Variants in USF3 observed in about 807,000 individuals in gnomAD.
USF3 encodes the protein upstream transcription factor family member 3, also known as basic helix-loop-helix domain-containing protein USF3.
USF3 carries 29 observed loss-of-function variants against 157.5 expected under a neutral mutation model. The observed-to-expected ratio is 0.18, with a 90% confidence interval of 0.14 to 0.25. The LOEUF (loss-of-function observed/expected upper bound fraction) is 0.25, where lower values mean the gene tolerates loss of function less well. Ranked by LOEUF, USF3 falls within the 10% of genes least tolerant of loss-of-function variation. The probability of loss-of-function intolerance (pLI) is 1.00; values close to 1 mark genes in which losing one functional copy is unlikely to be tolerated. For missense variants in USF3, 2,381 were observed against 2,667.6 expected, an observed-to-expected ratio of 0.89 and a Z score of 2.37; for synonymous variants, 893 against 941.4, an observed-to-expected ratio of 0.95 and a Z score of 0.94.
intron 1 of USF3, among the ~76,000 whole-genome samples, chr3:113,693,413 G>A (rs1223812719): frequency 6.6e-6 from 1 of 152,124 alleles, no homozygotes; most frequent in Non-Finnish European, 1.5e-5. Flanking sequence ...AAGTACAACT[G>A]TTACGGGGCC....
At chr3:113,671,104 T>A (rs985496174) in intron 4 of USF3, among the ~76,000 whole-genome samples, 1 of 152,202 alleles carries the variant, frequency 6.6e-6, no homozygotes, top group Non-Finnish European at 1.5e-5. Context: ...CAAATAGGAA[T>A]TGCTAATATT....
At chr3:113,685,428 C>T (rs972434038) in intron 1 of USF3, among the ~76,000 whole-genome samples, 2 of 152,192 alleles carry the variant, frequency 1.3e-5, no homozygotes, top group Non-Finnish European at 2.9e-5. Context: ...CTGGGTCTCT[C>T]CCTTCAGGGT....
At chr3:113,666,755 G>GT (rs1463713009) in intron 5 of USF3, among the ~76,000 whole-genome samples, 2 of 150,546 alleles carry the variant, frequency 1.3e-5, no homozygotes, top group African/African-American at 4.9e-5. Context: ...GTTGTTTTTT[G>GT]TTTTTTGTTT....
intron 3 of USF3, among the ~76,000 whole-genome samples, 156 bp downstream of exon 3, chr3:113,674,676 A>G (rs1324131546): frequency 6.6e-6 from 1 of 152,210 alleles, no homozygotes; most frequent in East Asian, 1.9e-4. Flanking sequence ...TACCTTTTTC[A>G]GTAAATCTGT....
chr3:113,656,096 A>G lies in USF3; in HGVS notation c.5586T>C (p.His1862=). 1 of 1,614,168 alleles carries G rather than the reference A, an allele frequency of 6.2e-7. No homozygotes were observed. Among genetic ancestry groups the G allele is most frequent in the Non-Finnish European group, 8.5e-7 (1 of 1,180,026 alleles). ...SAIEYNCPPT[H]ENVHIRRESE... is the part of the protein sequence containing the mutation. The stretch of plus-strand genomic sequence containing the variant: ...TCTCTCTTCTAATATGGACATTTTC[A>G]TGAGTTGGGGGACAATTATATTCAA... The change falls in exon 7 of 7, where the codon CAT becomes CAC. Residue 1862 remains histidine, a synonymous_variant. Transcript: ENST00000316407.
At chr3:113,667,881 C>CAAAT (rs1947594615) in intron 5 of USF3, among the ~76,000 whole-genome samples, 2 of 151,914 alleles carry the variant, frequency 1.3e-5, no homozygotes, top group African/African-American at 4.8e-5. Flanking sequence ...AACAAACAAA[C>CAAAT]AAACAAACAA....
intron 1 of USF3, among the ~76,000 whole-genome samples, chr3:113,685,252 CA>C (rs892202772): frequency 6.6e-6 from 1 of 152,184 alleles, no homozygotes; most frequent in Non-Finnish European, 1.5e-5. Context: ...GGGATGGAGT[CA>C]CGCAATGCTC....
At chr3:113,695,100 A>T (rs886071024) in intron 1 of USF3, among the ~76,000 whole-genome samples, 1 of 152,246 alleles carries the variant, frequency 6.6e-6, no homozygotes, top group Non-Finnish European at 1.5e-5. Flanking sequence ...CCGCATTAAA[A>T]GCCGTCCTTG....
rs1947602829 is a variant in USF3 at position 113,668,399 on chromosome 3, A to G, written c.159+1722T>C. Among the ~76,000 whole-genome samples the G allele has an allele frequency of 2.7e-5, 4 of 150,340 alleles. No homozygotes were observed. In the South Asian group the frequency reaches 8.5e-4, roughly 32 times the overall value. The stretch of plus-strand genomic sequence containing the variant: ...ACCTCTTCCTCTTCCTACCAGTCCC[A>G]CTCCCAGGCAGGAGACTGATGGGTT... On this transcript the variant is annotated intron_variant, in intron 5 of 6. Coordinates refer to ENST00000316407, the MANE Select transcript of USF3 (RefSeq NM_001009899.4).
At chr3:113,666,248 CTTTTTTTTTTTT>C (rs1232834885) in intron 5 of USF3, among the ~76,000 whole-genome samples, 1 of 101,760 alleles carries the variant, frequency 9.8e-6, no homozygotes, top group African/African-American at 3.8e-5. Context: ...AGACATCTTT[CTTTTTTTTTTTT>C]TTTTTTTTTG....
rs10934240 is a variant in USF3, at chr3:113,649,796, A to T, written c.*5148T>A. 0.01 allele frequency: 7,198 copies of T among 702,824 alleles called. 192 individuals are homozygous for T. The highest frequency in any genetic ancestry group is 0.055 in the Admixed American group (2,767 of 49,992). The allele number at this position is 702,824 out of a possible 1,614,324, so 43.5% of individuals were successfully genotyped here. ...CAAGGTCCTCACGCTTCTTATCAGC[A>T]TGGACTGACTCAATCTAAATTTGGT... On this transcript the variant is annotated 3_prime_UTR_variant, in exon 7 of 7. Coordinates refer to ENST00000316407, the MANE Select transcript of USF3 (RefSeq NM_001009899.4).
rs1020946189 is a variant in USF3 at position 113,664,554 on chromosome 3, C to T, written c.160-145G>A. On this transcript the variant is annotated intron_variant, in intron 5 of 6. Coordinates refer to ENST00000316407, the MANE Select transcript of USF3 (RefSeq NM_001009899.4). Reference sequence around the variant, plus strand: ...CAGGCACTATATTCAAAAGCTTCTACTGTATATTTTTCATTTATTAAATGG... The same window carrying T: ...CAGGCACTATATTCAAAAGCTTCTATTGTATATTTTTCATTTATTAAATGG... 2.1e-5 allele frequency: 11 copies of T among 528,080 alleles called. No individual in the cohort carries two copies. The African/African-American group carries it at 2.2e-4, about 10-fold the overall frequency. 32.7% of individuals were successfully genotyped at this position (528,080 alleles called of 1,614,324 possible). A position where few individuals can be genotyped will look rare whatever the true frequency, so the allele number is the denominator to read the frequency against.
Position 113,658,049 on chromosome 3 carries a change from C to T in USF3, c.3633G>A (p.Glu1211=), listed in dbSNP as rs1947399999. Residue 1211 remains glutamate, a synonymous_variant, in exon 7 of 7, where the codon GAG becomes GAA. Coordinates refer to ENST00000316407, the MANE Select transcript of USF3 (RefSeq NM_001009899.4). ...SIEATMERPL[E]KPSCSLGIKT... ...TAATTCCTAGAGAACAACTTGGTTT[C>T]TCAAGGGGCCTCTCCATAGTTGCTT... 2 of 1,614,134 alleles carry T rather than the reference C, an allele frequency of 1.2e-6. No homozygotes were observed. Among genetic ancestry groups the T allele is most frequent in the East Asian group, 2.2e-5 (1 of 44,890 alleles).
intron 5 of USF3, among the ~76,000 whole-genome samples, chr3:113,666,501 C>T (rs900310472): frequency 1.3e-5 from 2 of 150,852 alleles, no homozygotes; most frequent in African/African-American, 4.9e-5. Flanking sequence ...GATCCTCCCA[C>T]CTTGGTCTCC....
At position 113,658,552 on chromosome 3, in the gene USF3, T is replaced by A; in HGVS notation, c.3130A>T (p.Asn1044Tyr). 3.7e-6 allele frequency: 6 copies of A among 1,614,072 alleles called. No homozygotes were observed. Among genetic ancestry groups the A allele is most frequent in the Non-Finnish European group, 5.1e-6 (6 of 1,179,968 alleles). Residue 1044 changes from asparagine to tyrosine, a missense_variant, in exon 7 of 7, where the codon AAT (asparagine) becomes TAT (tyrosine). This residue lies in a region of USF3 where 1,435 missense variants were observed against 1,550.9 expected (regional missense o/e 0.93). Coordinates refer to ENST00000316407, the MANE Select transcript of USF3 (RefSeq NM_001009899.4). ...AATAGTTCCTGTTTGGGATGTAAAT[T>A]CACACTTGAATCAACTATTTTAGGA... ...ENPKIVDSSV[N>Y]LHPKQELLLM...
chr3:113,663,189 C>T (rs1947513625), intron 6 of USF3, among the ~76,000 whole-genome samples: 1 of 152,048 alleles, frequency 6.6e-6, no homozygotes, highest in Admixed American at 6.6e-5. Flanking sequence ...CCTTAGATCC[C>T]ACCCCTAACC....
chr3:113,666,568 C>CTTTT (rs775533373), intron 5 of USF3, among the ~76,000 whole-genome samples: 10 of 109,118 alleles, frequency 9.2e-5, no homozygotes, highest in East Asian at 2.8e-4. Flanking sequence ...TTATTGTTTC[C>CTTTT]TTTTTTTTTT....
At chr3:113,676,992 T>C (rs1707296898) in intron 2 of USF3, among the ~76,000 whole-genome samples, 1 of 152,146 alleles carries the variant, frequency 6.6e-6, no homozygotes, top group African/African-American at 2.4e-5. Flanking sequence ...TAAATGTTAG[T>C]GAGATATTTC....
At chr3:113,693,426 G>A (rs1047728780) in intron 1 of USF3, among the ~76,000 whole-genome samples, 12 of 151,986 alleles carry the variant, frequency 7.9e-5, no homozygotes, top group African/African-American at 1.9e-4. Context: ...ACGGGGCCAC[G>A]GAAGATAAAT....
Sources: allele counts gnomAD v4.1 joint callset (sites outside exome capture counted in the v4.1 genomes callset), GRCh38; gene constraint gnomAD v4.1.1; regional missense constraint gnomAD v4.1.1; transcripts MANE v1.5; gene names NCBI Gene and HGNC (gene_info 2026-07-23, HGNC 2026-07-21).